Variants in CACNA2D3 observed in about 807,000 individuals in gnomAD.
CACNA2D3 encodes the protein calcium voltage-gated channel auxiliary subunit alpha2delta 3, also known as voltage-dependent calcium channel subunit alpha-2/delta-3.
In CACNA2D3, 60 loss-of-function variants were observed where a neutral mutation model predicts 160.6. The observed-to-expected ratio is 0.37, with a 90% CI of 0.30 to 0.46. The LOEUF (loss-of-function observed/expected upper bound fraction) is 0.46. Among genes scored for constraint, CACNA2D3 ranks in the 20% least tolerant of loss-of-function variants. CACNA2D3 has a pLI of 1.00. For missense variants in CACNA2D3, 1,205 were observed against 1,365.0 expected, an observed-to-expected ratio of 0.88 and a Z score of 1.85; for synonymous variants, 558 against 492.9, an observed-to-expected ratio of 1.13 and a Z score of -1.75.
chr3:55,063,913 C>T (rs1704573912), intron 35 of CACNA2D3, among the ~76,000 whole-genome samples: 1 of 152,192 alleles, frequency 6.6e-6, no homozygotes, highest in African/African-American at 2.4e-5. Context: ...AAATTGTGGG[C>T]TGCTTGTTTA....
At chr3:54,788,002 C>T (rs1389064592) in intron 13 of CACNA2D3, among the ~76,000 whole-genome samples, 1 of 152,120 alleles carries the variant, frequency 6.6e-6, no homozygotes, top group African/African-American at 2.4e-5. Context: ...TATAGTCTTC[C>T]ACTTATTAGC....
At chr3:54,548,742 A>G (rs1702105979) in intron 5 of CACNA2D3, among the ~76,000 whole-genome samples, 1 of 152,178 alleles carries the variant, frequency 6.6e-6, no homozygotes, top group Non-Finnish European at 1.5e-5. Context: ...AACCAATGAC[A>G]GCAGACCTGT....
intron 11 of CACNA2D3, among the ~76,000 whole-genome samples, chr3:54,687,785 G>A (rs1323770310): frequency 6.6e-6 from 1 of 152,098 alleles, no homozygotes; most frequent in Non-Finnish European, 1.5e-5. Context: ...TTTCAAAGGA[G>A]GTATTTAGTG....
intron 4 of CACNA2D3, among the ~76,000 whole-genome samples, chr3:54,462,735 C>G (rs1251646758): frequency 6.6e-6 from 1 of 152,120 alleles, no homozygotes; most frequent in Non-Finnish European, 1.5e-5. Flanking sequence ...ATCCAATTTG[C>G]CAGTCTGTGT....
chr3:54,924,933 A>C, intron 27 of CACNA2D3: 1 of 1,612,326 alleles, frequency 6.2e-7, no homozygotes, highest in Non-Finnish European at 8.5e-7. Flanking sequence ...CAAGTGCTGA[A>C]GCCCATGGAA....
intron 2 of CACNA2D3, among the ~76,000 whole-genome samples, chr3:54,311,375 G>A (rs1299448264): frequency 6.6e-6 from 1 of 152,094 alleles, no homozygotes; most frequent in Non-Finnish European, 1.5e-5. Flanking sequence ...ACTCATGACC[G>A]TCTCATTACA....
chr3:55,072,373 G>T (rs983144349), intron 35 of CACNA2D3, among the ~76,000 whole-genome samples: 9 of 152,162 alleles, frequency 5.9e-5, no homozygotes, highest in African/African-American at 2.2e-4. Flanking sequence ...GGTGGCAACA[G>T]GTTAAAAAAG....
At chr3:54,456,030 C>T (rs1177186115) in intron 4 of CACNA2D3, among the ~76,000 whole-genome samples, 2 of 152,088 alleles carry the variant, frequency 1.3e-5, no homozygotes, top group Non-Finnish European at 2.9e-5. Flanking sequence ...TTTGGATATT[C>T]AGACTCTTAT....
intron 13 of CACNA2D3, among the ~76,000 whole-genome samples, chr3:54,781,438 C>T (rs1404727915): frequency 6.6e-6 from 1 of 152,200 alleles, no homozygotes; most frequent in Non-Finnish European, 1.5e-5. Flanking sequence ...CTGTCTGTAG[C>T]TGGTCAGTAA....
At chr3:54,718,369 C>T (rs984093863) in intron 11 of CACNA2D3, among the ~76,000 whole-genome samples, 1 of 152,076 alleles carries the variant, frequency 6.6e-6, no homozygotes, top group African/African-American at 2.4e-5. Context: ...AATTATTAAG[C>T]TTCACTATTA....
chr3:54,490,235 G>A (rs370264072), intron 4 of CACNA2D3, among the ~76,000 whole-genome samples: 1 of 152,180 alleles, frequency 6.6e-6, no homozygotes, highest in East Asian at 1.9e-4. Context: ...TATCCCATTC[G>A]ATCACAGAAA....
At chr3:54,137,373 C>T (rs1034504325) in intron 2 of CACNA2D3, among the ~76,000 whole-genome samples, 15 of 152,192 alleles carry the variant, frequency 9.9e-5, no homozygotes, top group African/African-American at 2.9e-4. Flanking sequence ...GACCTGTCAC[C>T]GATGGCTTTT....
chr3:54,529,247 C>T (rs1216918178), intron 5 of CACNA2D3, among the ~76,000 whole-genome samples: 1 of 152,110 alleles, frequency 6.6e-6, no homozygotes, highest in Admixed American at 6.5e-5. Context: ...AGTATGCATA[C>T]CCGTTTCTTA....
At chr3:54,632,215 G>GA (rs1699255179) in intron 10 of CACNA2D3, 1 of 152,224 alleles carries the variant, frequency 6.6e-6, no homozygotes, top group South Asian at 2.1e-4. Context: ...AGCCAGAGAA[G>GA]AAAGTACTGT....
chr3:54,371,431 C>G (rs1243198241), intron 3 of CACNA2D3, among the ~76,000 whole-genome samples: 1 of 152,110 alleles, frequency 6.6e-6, no homozygotes, highest in African/African-American at 2.4e-5. Context: ...TTACTTTTTT[C>G]TAACAACTTC....
intron 8 of CACNA2D3, among the ~76,000 whole-genome samples, chr3:54,574,556 A>C (rs949858691): frequency 6.6e-6 from 1 of 152,252 alleles, no homozygotes; most frequent in Non-Finnish European, 1.5e-5. Flanking sequence ...AATAGTTGAA[A>C]TATGAGAGTA....
chr3:54,993,442 A>G (rs942710314), intron 31 of CACNA2D3, among the ~76,000 whole-genome samples: 2 of 152,228 alleles, frequency 1.3e-5, no homozygotes, highest in Non-Finnish European at 2.9e-5. Flanking sequence ...CAACCTGGAC[A>G]TGAAGTGCCA....
At chr3:54,264,257 T>C (rs1257277911) in intron 2 of CACNA2D3, among the ~76,000 whole-genome samples, 1 of 152,184 alleles carries the variant, frequency 6.6e-6, no homozygotes, top group Non-Finnish European at 1.5e-5. Flanking sequence ...ATCACTTCTG[T>C]GGGCTGATTT....
At chr3:54,736,069 A>G (rs1473868529) in intron 11 of CACNA2D3, among the ~76,000 whole-genome samples, 34 of 26,090 alleles carry the variant, frequency 1.3e-3, no homozygotes, top group Middle Eastern at 0.02. Context: ...ATGTATATAT[A>G]TATACATATA....
Sources: allele counts gnomAD v4.1 joint callset (sites outside exome capture counted in the v4.1 genomes callset), GRCh38; gene constraint gnomAD v4.1.1; transcripts MANE v1.5; gene names NCBI Gene and HGNC (gene_info 2026-07-23, HGNC 2026-07-21).